SI: variants seen among roughly 807,000 people sequenced by gnomAD.
SI encodes the protein sucrase-isomaltase, intestinal.
A neutral mutation model predicts 253.3 loss-of-function variants in SI; 235 were observed. That is an observed-to-expected ratio of 0.93 (90% CI 0.83 to 1.03). The LOEUF is 1.03. Among genes scored for constraint, SI ranks in the 50% least tolerant of loss-of-function variants. SI has a pLI of 0.00. For synonymous variants in SI, 819 were observed against 712.0 expected (o/e 1.15, Z -2.39); for missense variants, 2,442 against 2,211.1 (o/e 1.10, Z -2.09).
intron 3 of SI, among the ~76,000 whole-genome samples, chr3:165,073,170 TTCTCTCTCTCTCTCTCTCTCTC>T (rs59796544): frequency 0.19 from 24,555 of 132,022 alleles, 2,566 homozygotes; most frequent in Middle Eastern, 0.32. Context: ...CTTCAATCAT[TTCTCTCTCTCTCTCTCTCTCTC>T]TCTCTCTCTC....
chr3:165,048,272 T>G (rs779931068), intron 15 of SI, among the ~76,000 whole-genome samples: 10 of 151,952 alleles, frequency 6.6e-5, no homozygotes, highest in Non-Finnish European at 1.3e-4. Flanking sequence ...TGCTTGAAAA[T>G]TAGTAGATAA....
At chr3:165,060,817 CAT>C (rs967332511) in intron 9 of SI, among the ~76,000 whole-genome samples, 1 of 141,100 alleles carries the variant, frequency 7.1e-6, no homozygotes, top group Admixed American at 7.2e-5. Flanking sequence ...ATATACATAT[CAT>C]ATATATATTA....
chr3:165,029,980 T>A (rs1011786114), intron 25 of SI, among the ~76,000 whole-genome samples: 3 of 150,636 alleles, frequency 2.0e-5, no homozygotes, highest in African/African-American at 7.3e-5. Flanking sequence ...TGGGATAATT[T>A]CTCTGGAGGC....
intron 22 of SI, among the ~76,000 whole-genome samples, chr3:165,035,054 C>A (rs1712462310): frequency 6.6e-6 from 1 of 151,920 alleles, no homozygotes; most frequent in African/African-American, 2.4e-5. Flanking sequence ...GTGTTGGCAT[C>A]TGTAGCAATG....
chr3:165,044,112 T>C lies in SI; in HGVS notation c.1888-937A>G, dbSNP rs185468243. ...ATTATATAAAATTACCTTCAAACTA[T>C]GTGTATAAGGTGTATATGAAACATA... On this transcript the variant is annotated intron_variant, in intron 16 of 47. Transcript: ENST00000264382. Among the ~76,000 whole-genome samples the C allele has an allele frequency of 3.8e-4, 58 of 151,664 alleles. No individual in the cohort carries two copies. In the East Asian group the frequency reaches 0.011, roughly 29 times the overall value.
Position 165,055,215 on chromosome 3 carries a change from C to T in SI, c.1491G>A (p.Val497=). 6.2e-7 allele frequency: 1 copy of T among 1,606,398 alleles called. No homozygotes were observed. The highest frequency in any genetic ancestry group is 1.1e-5 in the South Asian group (1 of 90,918). The change falls in exon 13 of 48, where the codon GTG becomes GTA. Residue 497 remains valine (V), a synonymous_variant. Transcript: ENST00000264382. ...TTACAATCCAAAGTCCATCATATTG[C>T]ACTTCTTGATGGAAAATACTGCATT... ...ANECSIFHQE[V]QYDGLWIDMN...
chr3:165,043,022 T>C (rs764645471), intron 17 of SI, 37 bp downstream of exon 17: 2 of 1,253,778 alleles, frequency 1.6e-6, no homozygotes, highest in Non-Finnish European at 2.3e-6. Context: ...CTATGGTTGT[T>C]TTTTATTTCG....
intron 1 of SI, among the ~76,000 whole-genome samples, chr3:165,077,911 T>G (rs561498916): frequency 6.6e-6 from 1 of 151,722 alleles, no homozygotes; most frequent in South Asian, 2.1e-4. Flanking sequence ...ATTACAGTAA[T>G]TTTAAGCAAC....
intron 25 of SI, among the ~76,000 whole-genome samples, chr3:165,027,632 C>A: frequency 6.6e-6 from 1 of 151,472 alleles, no homozygotes; most frequent in East Asian, 1.9e-4. Flanking sequence ...GGGTTTCATA[C>A]TAGGGATACG....
chr3:165,068,853 G>A (rs1370155236), intron 4 of SI, 22 bp from the exon 5 acceptor site: 1 of 1,441,872 alleles, frequency 6.9e-7, no homozygotes, highest in Non-Finnish European at 9.8e-7. Flanking sequence ...AAAAAAAGCT[G>A]CCATGAGTGA....
At chr3:165,026,984 A>G (rs1711956017) in intron 25 of SI, among the ~76,000 whole-genome samples, 2 of 151,434 alleles carry the variant, frequency 1.3e-5, no homozygotes. Flanking sequence ...GAGCATAACT[A>G]AATGAAATTG....
At chr3:165,007,094 C>A in intron 36 of SI, 140 bp from the exon 37 acceptor site, 1 of 647,796 alleles carries the variant, frequency 1.5e-6, no homozygotes. Flanking sequence ...CATTTGTATA[C>A]TTTGTATGAG....
At chr3:165,061,529 T>C (rs1306233037) in intron 9 of SI, among the ~76,000 whole-genome samples, 1 of 152,026 alleles carries the variant, frequency 6.6e-6, no homozygotes, top group Non-Finnish European at 1.5e-5. Context: ...GATCCTAATT[T>C]AAAATTTTTT....
chr3:164,995,742 T>C (rs1717980088), intron 40 of SI, among the ~76,000 whole-genome samples: 1 of 151,810 alleles, frequency 6.6e-6, no homozygotes, highest in Non-Finnish European at 1.5e-5. Flanking sequence ...TAAAGCAGAA[T>C]CTCTATAAAA....
chr3:165,009,459 C>A (rs1295669243), intron 34 of SI, 64 bp from the exon 35 acceptor site: 4 of 877,296 alleles, frequency 4.6e-6, no homozygotes, highest in South Asian at 2.7e-5. Flanking sequence ...ACATATAAAT[C>A]TGAATGTATT....
chr3:165,026,938 C>A (rs758776606), intron 25 of SI, among the ~76,000 whole-genome samples: 11 of 151,032 alleles, frequency 7.3e-5, no homozygotes, highest in Non-Finnish European at 8.9e-5. Flanking sequence ...CAAATCAAAC[C>A]AAAACTCAGA....
At chr3:165,002,428 G>T (rs1718297600) in intron 37 of SI, among the ~76,000 whole-genome samples, 1 of 151,668 alleles carries the variant, frequency 6.6e-6, no homozygotes, top group Non-Finnish European at 1.5e-5. Context: ...CTGAATCCAT[G>T]CATGCTATTC....
rs1407331200 is a variant in SI at position 164,994,263 on chromosome 3, A to C, written c.4835T>G (p.Leu1612Trp). 3.7e-6 allele frequency: 6 copies of C among 1,610,318 alleles called. No homozygotes were observed. Among genetic ancestry groups the C allele is most frequent in the Non-Finnish European group, 5.1e-6 (6 of 1,177,526 alleles). The change falls in exon 41 of 48, where the codon TTG becomes TGG. Residue 1612 changes from leucine (L) to tryptophan (W), a missense_variant. Physicochemically the swap from Leu to Trp is moderately conservative, Grantham distance 61 (BLOSUM62 -2). Transcript: ENST00000264382. Reference sequence around the variant, plus strand: ...AAACAAACTTTGTACTTACTCATGCAAAAGGGGTCGGATAACAGTGCCACC... The same window carrying C: ...AAACAAACTTTGTACTTACTCATGCCAAAGGGGTCGGATAACAGTGCCACC... ...ANGGTVIRPLLHEFFDEKPTW... is the reference protein window; with the variant it reads ...ANGGTVIRPLWHEFFDEKPTW...
At chr3:165,019,482 G>T (rs886308987) in intron 28 of SI, 120 bp downstream of exon 28, 85 of 922,658 alleles carry the variant, frequency 9.2e-5, no homozygotes, top group South Asian at 7.4e-4. Flanking sequence ...CTGCTCTGGA[G>T]ATCTCTAGCT....
Sources: gnomAD v4.1 joint callset for allele counts (sites outside exome capture counted in the v4.1 genomes callset) on GRCh38, gnomAD v4.1.1 for gene constraint, MANE v1.5 for transcripts, NCBI Gene and HGNC (gene_info 2026-07-23, HGNC 2026-07-21) for gene names.